The following ROR1 variants were observed in gnomAD, a reference collection of about 807,000 sequenced individuals.
ROR1 encodes ROR family WNT receptor 1.
A neutral mutation model predicts 78.8 loss-of-function variants in ROR1; 19 were observed. The observed-to-expected ratio is 0.24, with a 90% CI of 0.17 to 0.35. ROR1 has a LOEUF of 0.35. Ranked by LOEUF, ROR1 falls within the 10% of genes least tolerant of loss-of-function variation. ROR1 has a pLI of 1.00. For synonymous variants in ROR1, 386 were observed against 433.6 expected (o/e 0.89, Z 1.36); for missense variants, 917 against 1,177.8 (o/e 0.78, Z 3.24).
rs1216316593 is a variant in ROR1, at chr1:64,179,114, CAT to C, written c.*260_*261del. ...GCATGACATGGCATTGGGATTGGAACATGTGGTTTCGAGCACTGAAAGCTGCA... is the reference window on the plus strand; with the variant it reads ...GCATGACATGGCATTGGGATTGGAACGTGGTTTCGAGCACTGAAAGCTGCA... On this transcript the variant is annotated 3_prime_UTR_variant, in exon 9 of 9. Transcript: ENST00000371079. 1 of 354,696 alleles carries C rather than the reference CAT, an allele frequency of 2.8e-6. No homozygotes were observed. Among genetic ancestry groups the C allele is most frequent in the Non-Finnish European group, 5.0e-6 (1 of 198,496 alleles). 22.0% of individuals were successfully genotyped at this position (354,696 alleles called of 1,614,324 possible).
chr1:63,951,249 A>G (rs1177486014), intron 1 of ROR1, among the ~76,000 whole-genome samples: 1 of 152,152 alleles, frequency 6.6e-6, no homozygotes, highest in African/African-American at 2.4e-5. Flanking sequence ...AGAATGTGGG[A>G]GGTGGCTGTT....
chr1:64,091,066 A>G (rs1647192992), intron 4 of ROR1, among the ~76,000 whole-genome samples: 1 of 152,234 alleles, frequency 6.6e-6, no homozygotes, highest in Non-Finnish European at 1.5e-5. Context: ...AGAGGCAGCT[A>G]GGATTCAAAT....
At chr1:63,949,365 G>A (rs909084110) in intron 1 of ROR1, among the ~76,000 whole-genome samples, 13 of 152,260 alleles carry the variant, frequency 8.5e-5, no homozygotes, top group Middle Eastern at 3.4e-3. Flanking sequence ...CTGAGTGGAG[G>A]TAATGGGGTA....
intron 1 of ROR1, among the ~76,000 whole-genome samples, chr1:63,820,550 G>A (rs1483342757): frequency 1.3e-5 from 2 of 152,056 alleles, no homozygotes; most frequent in Non-Finnish European, 2.9e-5. Flanking sequence ...TTTTTTCTCT[G>A]CTACCTTGCA....
At chr1:63,918,045 A>G (rs1260521799) in intron 1 of ROR1, among the ~76,000 whole-genome samples, 2 of 152,212 alleles carry the variant, frequency 1.3e-5, no homozygotes, top group East Asian at 3.9e-4. Context: ...ACTACCTGCC[A>G]TCTCGCAGAC....
rs558908520 is a variant in ROR1 at position 64,104,980 on chromosome 1, A to C, written c.483-32389A>C. ...ATATTCCTTTGGGCATATACCCAGT[A>C]ATGGGGCTGCTGGGTCAAATGTTAT... On this transcript the variant is annotated intron_variant, in intron 4 of 8. Coordinates refer to ENST00000371079, the MANE Select transcript of ROR1 (RefSeq NM_005012.4). Among the ~76,000 whole-genome samples, 3 of 152,336 alleles carry C rather than the reference A, an allele frequency of 2.0e-5. No homozygotes were observed. The South Asian group carries it at 6.2e-4, about 32-fold the overall frequency.
At chr1:63,858,030 C>T (rs909909680) in intron 1 of ROR1, among the ~76,000 whole-genome samples, 2 of 142,406 alleles carry the variant, frequency 1.4e-5, no homozygotes, top group Non-Finnish European at 2.9e-5. Flanking sequence ...CACATGGGAA[C>T]CCTCTCCCCA....
chr1:64,165,494 T>A (rs2100735449), intron 8 of ROR1, among the ~76,000 whole-genome samples: 1 of 152,198 alleles, frequency 6.6e-6, no homozygotes, highest in Admixed American at 6.5e-5. Context: ...TTTGCAAAAT[T>A]TTTCTCCCAT....
intron 1 of ROR1, among the ~76,000 whole-genome samples, chr1:63,924,790 C>A (rs1452705621): frequency 1.3e-5 from 2 of 152,096 alleles, no homozygotes; most frequent in African/African-American, 2.4e-5. Context: ...TTGTAGGAGG[C>A]CCTCTTCTGG....
At chr1:64,129,998 A>G (rs550101383) in intron 4 of ROR1, among the ~76,000 whole-genome samples, 16 of 152,302 alleles carry the variant, frequency 1.1e-4, no homozygotes, top group African/African-American at 3.8e-4. Context: ...TTAATAGCCA[A>G]GGGAAAAAAA....
chr1:63,895,629 C>T (rs1229538246), intron 1 of ROR1, among the ~76,000 whole-genome samples: 1 of 152,156 alleles, frequency 6.6e-6, no homozygotes, highest in Non-Finnish European at 1.5e-5. Flanking sequence ...CATTGATTCA[C>T]AGACTGGGCT....
intron 4 of ROR1, among the ~76,000 whole-genome samples, chr1:64,101,182 G>A (rs1286205706): frequency 6.6e-6 from 1 of 152,120 alleles, no homozygotes; most frequent in African/African-American, 2.4e-5. Flanking sequence ...AGTAAACAGG[G>A]AAGAGTTTTA....
intron 1 of ROR1, among the ~76,000 whole-genome samples, chr1:63,823,193 G>A (rs916509616): frequency 2.6e-5 from 4 of 151,840 alleles, no homozygotes; most frequent in Admixed American, 6.6e-5. Context: ...TCAGAGACTC[G>A]AGGACAGATC....
intron 1 of ROR1, among the ~76,000 whole-genome samples, chr1:63,934,485 G>A (rs1192514114): frequency 6.6e-6 from 1 of 152,064 alleles, no homozygotes; most frequent in African/African-American, 2.4e-5. Flanking sequence ...CAAATATTAG[G>A]TGCTATCATT....
intron 4 of ROR1, among the ~76,000 whole-genome samples, chr1:64,120,674 C>G (rs1017297953): frequency 4.6e-5 from 7 of 152,130 alleles, no homozygotes; most frequent in African/African-American, 1.7e-4. Flanking sequence ...ACTGCAGCCT[C>G]CTTGACCCAG....
chr1:63,800,704 T>C (rs1281853438), intron 1 of ROR1, among the ~76,000 whole-genome samples: 2 of 152,166 alleles, frequency 1.3e-5, no homozygotes, highest in African/African-American at 4.8e-5. Flanking sequence ...ACTTACTGAA[T>C]CAGACACTGC....
chr1:63,774,428 C>A lies in ROR1; in HGVS notation c.11C>A (p.Pro4Gln), dbSNP rs1344060296. 3.4e-6 allele frequency: 4 copies of A among 1,177,314 alleles called. No individual in the cohort carries two copies. Among genetic ancestry groups the A allele is most frequent in the African/African-American group, 1.6e-5 (1 of 61,674 alleles). 72.9% of individuals were successfully genotyped at this position (1,177,314 alleles called of 1,614,324 possible). A position where few individuals can be genotyped will look rare whatever the true frequency, so the allele number is the denominator to read the frequency against. ...TCAGCGAGAGGAGGAATGCACCGGC[C>A]GCGCCGCCGCGGGACGCGCCCGCCG... MHR[P>Q]RRRGTRPPLL... Residue 4 changes from proline to glutamine, a missense_variant, in exon 1 of 9, where the codon CCG (proline) becomes CAG (glutamine). By Grantham distance (76) the Pro-to-Gln change is moderately conservative. Coordinates refer to ENST00000371079, the MANE Select transcript of ROR1 (RefSeq NM_005012.4). The surrounding 1 kb of genome is among the most constrained non-coding windows in gnomAD (Gnocchi z 5.7).
chr1:64,162,644 G>A (rs1048254423), intron 8 of ROR1, among the ~76,000 whole-genome samples: 1 of 152,182 alleles, frequency 6.6e-6, no homozygotes, highest in African/African-American at 2.4e-5. Flanking sequence ...CTGCATTCAA[G>A]TATAAGACTG....
rs187147007 is a variant in ROR1, at chr1:63,989,431, C to T, written c.92-19874C>T. On this transcript the variant is annotated intron_variant, in intron 1 of 8. Coordinates refer to ENST00000371079, the MANE Select transcript of ROR1 (RefSeq NM_005012.4). ...AGTGAATATTTGCTCTCGTTTTTTT[C>T]GTGGTCATTGATTAGTCCATTAAAT... Among the ~76,000 whole-genome samples the T allele has an allele frequency of 3.2e-4, 49 of 152,030 alleles. No individual in the cohort carries two copies. In the East Asian group the frequency reaches 3.9e-3, roughly 12 times the overall value.
Sources: allele counts gnomAD v4.1 joint callset (sites outside exome capture counted in the v4.1 genomes callset), GRCh38; gene constraint gnomAD v4.1.1; non-coding constraint Gnocchi (gnomAD v3.1); transcripts MANE v1.5; gene names NCBI Gene and HGNC (gene_info 2026-07-23, HGNC 2026-07-21).